Variants in BCAS3 observed in about 807,000 individuals in gnomAD.
BCAS3 encodes BCAS4/BCAS3 fusion.
A neutral mutation model predicts 116.1 loss-of-function variants in BCAS3; 53 were observed. The ratio of observed to expected loss-of-function variants is 0.46; its 90% CI spans 0.37 to 0.57. The LOEUF is 0.57. Among genes scored for constraint, BCAS3 ranks in the 20% least tolerant of loss-of-function variants. The probability of loss-of-function intolerance (pLI) is 0.00; values close to 1 mark genes in which losing one functional copy is unlikely to be tolerated. For synonymous variants in BCAS3, 391 were observed against 408.2 expected, an observed-to-expected ratio of 0.96 and a Z score of 0.51; for missense variants, 917 against 1,165.4, an observed-to-expected ratio of 0.79 and a Z score of 3.10.
intron 16 of BCAS3, among the ~76,000 whole-genome samples, chr17:61,033,702 T>C (rs1159966527): frequency 6.6e-6 from 1 of 152,226 alleles, no homozygotes; most frequent in Non-Finnish European, 1.5e-5. Flanking sequence ...TCTTTACCAG[T>C]GCACGATGAG....
chr17:61,123,292 C>T (rs2075881488), intron 22 of BCAS3, among the ~76,000 whole-genome samples: 1 of 152,068 alleles, frequency 6.6e-6, no homozygotes, highest in Admixed American at 6.5e-5. Context: ...TCCTTAGGTG[C>T]AGCATATATG....
At chr17:61,165,885 G>T (rs535658727) in intron 22 of BCAS3, among the ~76,000 whole-genome samples, 1 of 152,256 alleles carries the variant, frequency 6.6e-6, no homozygotes, top group Non-Finnish European at 1.5e-5. Context: ...ATATTTTATA[G>T]ATGAGTAAAT....
rs1338866412 is a variant in BCAS3, at chr17:60,927,281, G to T, written c.1087+2781G>T. ...TTTTGTTTGTTTTTTTTTTGAGACAGGGTCTCGCTCTTTTGCCAGGCTGGA... is the reference window on the plus strand; with the variant it reads ...TTTTGTTTGTTTTTTTTTTGAGACATGGTCTCGCTCTTTTGCCAGGCTGGA... On this transcript the variant is annotated intron_variant, in intron 13 of 23. Transcript: ENST00000407086. Among the ~76,000 whole-genome samples the T allele has an allele frequency of 6.0e-4, 89 of 149,232 alleles. 1 individual carries two copies. Among genetic ancestry groups the T allele is most frequent in the African/African-American group, 1.9e-3 (76 of 40,704 alleles).
intron 19 of BCAS3, among the ~76,000 whole-genome samples, chr17:61,053,477 A>G (rs1483574049): frequency 6.6e-6 from 1 of 152,212 alleles, no homozygotes; most frequent in Non-Finnish European, 1.5e-5. Context: ...AGTTAAAGAA[A>G]TTATTGGTGT....
At chr17:60,705,408 G>C (rs2036983056) in intron 4 of BCAS3, among the ~76,000 whole-genome samples, 2 of 151,792 alleles carry the variant, frequency 1.3e-5, no homozygotes, top group Non-Finnish European at 2.9e-5. Context: ...CCAGCTACTT[G>C]GGAGGCTGAG....
intron 11 of BCAS3, among the ~76,000 whole-genome samples, chr17:60,906,834 C>T (rs984161519): frequency 2.6e-4 from 40 of 152,152 alleles, no homozygotes; most frequent in Admixed American, 1.4e-3. Context: ...ATGGAGAGCA[C>T]GTTAAAAAGC....
At chr17:60,789,499 G>A (rs959824968) in intron 6 of BCAS3, among the ~76,000 whole-genome samples, 16 of 152,126 alleles carry the variant, frequency 1.1e-4, no homozygotes, top group African/African-American at 3.9e-4. Context: ...AAATGTTTTA[G>A]TGTTATAGGA....
rs2049176289 is a variant in BCAS3, at chr17:61,261,234, G to A, written c.2426-107093G>A. The stretch of plus-strand genomic sequence containing the variant: ...GTGGACAGGGAAAGAAGGTTTGATG[G>A]CAGTTATTAAACACTGATTCAAGAA... On this transcript the variant is annotated intron_variant, in intron 22 of 23. Coordinates refer to ENST00000407086, the MANE Select transcript of BCAS3 (RefSeq NM_017679.5). The surrounding 1 kb of genome is among the most constrained non-coding windows in gnomAD (Gnocchi z 4.4). 6.6e-6 allele frequency among the ~76,000 whole-genome samples: 1 copy of A among 152,164 alleles called. No individual in the cohort carries two copies. Among genetic ancestry groups the A allele is most frequent in the Non-Finnish European group, 1.5e-5 (1 of 68,028 alleles).
chr17:61,363,316 G>A lies in BCAS3; in HGVS notation c.2426-5011G>A, dbSNP rs2058553685. Among the ~76,000 whole-genome samples, 1 of 152,172 alleles carries A rather than the reference G, an allele frequency of 6.6e-6. No individual in the cohort carries two copies. Among genetic ancestry groups the A allele is most frequent in the Non-Finnish European group, 1.5e-5 (1 of 68,024 alleles). ...CACCTTTTATGCCGTTAGAGTTTGA[G>A]CAAGAGTAGTCTTTATACCTTCGGT... is the stretch of plus-strand genomic sequence containing the variant. On this transcript the variant is annotated intron_variant, in intron 22 of 23. Transcript: ENST00000407086. This position sits in a 1 kb window ranked among gnomAD's most constrained non-coding sequence, Gnocchi z 4.9.
intron 16 of BCAS3, among the ~76,000 whole-genome samples, chr17:61,025,637 A>G (rs1377090008): frequency 2.0e-5 from 3 of 152,098 alleles, no homozygotes; most frequent in Admixed American, 6.5e-5. Context: ...GGATGCTGAC[A>G]TCGTACCGCT....
intron 6 of BCAS3, among the ~76,000 whole-genome samples, chr17:60,752,460 G>C (rs2042568176): frequency 6.7e-6 from 1 of 150,304 alleles, no homozygotes; most frequent in South Asian, 2.1e-4. Flanking sequence ...GTCTCACTCT[G>C]TCGCCCAGGC....
At chr17:61,143,124 T>C (rs1470043485) in intron 22 of BCAS3, among the ~76,000 whole-genome samples, 2 of 152,206 alleles carry the variant, frequency 1.3e-5, no homozygotes, top group Non-Finnish European at 2.9e-5. Context: ...TAATTTTTCT[T>C]ATGAGTAAGT....
In BCAS3 at chr17:61,324,216, A is replaced by C. The variant is rs1278933307; in HGVS notation, c.2426-44111A>C. On this transcript the variant is annotated intron_variant, in intron 22 of 23. Transcript: ENST00000407086. This position sits in a 1 kb window ranked among gnomAD's most constrained non-coding sequence, Gnocchi z 4.6. ...CCAGACATATGCTAAGCACTCGAGAAATGTTTCAATCAGTGAGTGAATTAG... is the reference window on the plus strand; with the variant it reads ...CCAGACATATGCTAAGCACTCGAGACATGTTTCAATCAGTGAGTGAATTAG... Among the ~76,000 whole-genome samples the C allele has an allele frequency of 1.3e-5, 2 of 152,210 alleles. No homozygotes were observed. Among genetic ancestry groups the C allele is most frequent in the Admixed American group, 1.3e-4 (2 of 15,278 alleles).
rs1414990050 is a variant in BCAS3, at chr17:60,807,996, C to T, written c.404-8C>T. On this transcript the variant is annotated splice_polypyrimidine_tract_variant and splice_region_variant and intron_variant, in intron 6 of 23. Transcript: ENST00000407086. ...AAAGCTTACAATTTATTTTATCCTT[C>T]CTGTCAGGTGCTCAAAAATGTGATA... 21 of 1,585,166 alleles carry T rather than the reference C, an allele frequency of 1.3e-5. No homozygotes were observed. The African/African-American group carries it at 1.5e-4, about 11-fold the overall frequency.
chr17:60,895,996 T>C (rs1429060990), intron 10 of BCAS3, among the ~76,000 whole-genome samples: 4 of 152,250 alleles, frequency 2.6e-5, no homozygotes, highest in African/African-American at 4.8e-5. Context: ...TTGGATAGAA[T>C]GCTCTATAAG....
chr17:61,371,749 C>T (rs149004287), intron 23 of BCAS3, among the ~76,000 whole-genome samples: 2 of 152,040 alleles, frequency 1.3e-5, no homozygotes, highest in East Asian at 3.9e-4. Flanking sequence ...GTCTTCAGAC[C>T]CACAGCAGCA....
At position 60,900,511 on chromosome 17, in the gene BCAS3, C is replaced by CTT. The variant is rs548481673; in HGVS notation, c.739-2106_739-2105dup. Among the ~76,000 whole-genome samples the CTT allele has an allele frequency of 7.2e-5, 11 of 152,298 alleles. No homozygotes were observed. The South Asian group carries it at 2.1e-3, about 29-fold the overall frequency. Reference sequence around the variant, plus strand: ...CTACTTGTCTTCCTTCTCCTACCCACTTTTGGTGTTTCCTGTTAGTTCTCT... The same window carrying CTT: ...CTACTTGTCTTCCTTCTCCTACCCACTTTTTTGGTGTTTCCTGTTAGTTCTCT... On this transcript the variant is annotated intron_variant, in intron 10 of 23. Transcript: ENST00000407086.
chr17:61,140,575 ATCTC>A lies in BCAS3; in HGVS notation c.2425+56014_2425+56017del, dbSNP rs1251600935. Among the ~76,000 whole-genome samples, 1 of 151,848 alleles carries A rather than the reference ATCTC, an allele frequency of 6.6e-6. No individual in the cohort carries two copies. Among genetic ancestry groups the A allele is most frequent in the Non-Finnish European group, 1.5e-5 (1 of 67,982 alleles). Reference sequence around the variant, plus strand: ...TTGTAAAGTCACATAAAAGTTGCTTATCTCTCCACTTTTTTTTTTTTTCTGGAGA... The same window carrying A: ...TTGTAAAGTCACATAAAAGTTGCTTATCCACTTTTTTTTTTTTTCTGGAGA... On this transcript the variant is annotated intron_variant, in intron 22 of 23. Coordinates refer to ENST00000407086, the MANE Select transcript of BCAS3 (RefSeq NM_017679.5). This position sits in a 1 kb window ranked among gnomAD's most constrained non-coding sequence, Gnocchi z 4.2.
Position 61,171,043 on chromosome 17 carries a change from G to T in BCAS3, c.2425+86479G>T, listed in dbSNP as rs995874316. ...ATAATTTGCAGGTAAAGTGATACAAGATTTTTGTGTCAAAAGTGGGGCAAA... is the reference window on the plus strand; with the variant it reads ...ATAATTTGCAGGTAAAGTGATACAATATTTTTGTGTCAAAAGTGGGGCAAA... On this transcript the variant is annotated intron_variant, in intron 22 of 23. Coordinates refer to ENST00000407086, the MANE Select transcript of BCAS3 (RefSeq NM_017679.5). The surrounding 1 kb of genome is among the most constrained non-coding windows in gnomAD (Gnocchi z 4.1). Among the ~76,000 whole-genome samples, 2 of 152,120 alleles carry T rather than the reference G, an allele frequency of 1.3e-5. No homozygotes were observed. The highest frequency in any genetic ancestry group is 2.9e-5 in the Non-Finnish European group (2 of 68,004).
Sources: gnomAD v4.1 joint callset for allele counts (sites outside exome capture counted in the v4.1 genomes callset) on GRCh38, gnomAD v4.1.1 for gene constraint, Gnocchi (gnomAD v3.1) non-coding constraint, MANE v1.5 for transcripts, NCBI Gene and HGNC (gene_info 2026-07-23, HGNC 2026-07-21) for gene names.